Variants in PARM1 observed in about 807,000 individuals in gnomAD.
PARM1 encodes prostate androgen-regulated mucin-like protein 1.
A neutral mutation model predicts 24.6 loss-of-function variants in PARM1; 14 were observed. The ratio of observed to expected loss-of-function variants is 0.57; its 90% confidence interval spans 0.38 to 0.89. The LOEUF (loss-of-function observed/expected upper bound fraction) is 0.89. Among genes scored for constraint, PARM1 ranks in the 40% least tolerant of loss-of-function variants. The probability of loss-of-function intolerance (pLI) is 0.00; values close to 1 mark genes in which losing one functional copy is unlikely to be tolerated. For synonymous variants in PARM1, 179 were observed against 156.6 expected (o/e 1.14, Z -1.07); for missense variants, 362 against 380.4 (o/e 0.95, Z 0.40).
intron 1 of PARM1, among the ~76,000 whole-genome samples, chr4:74,943,291 T>G (rs1721349626): frequency 6.6e-6 from 1 of 152,208 alleles, no homozygotes; most frequent in Non-Finnish European, 1.5e-5. Flanking sequence ...TCCTCTTGTT[T>G]GCTGTGGTAT....
rs1185447109 is a variant in PARM1 at position 74,933,399 on chromosome 4, A to G, written c.43+29A>G. The G allele has an allele frequency of 3.7e-6, 6 of 1,608,176 alleles. No homozygotes were observed. In the South Asian group the frequency reaches 6.6e-5, roughly 18 times the overall value. ...ATTGGCGCCATCCTCCCGGAAGGGC[A>G]GGTCGCGGGGTGGGCCCCAGTAGCT... On this transcript the variant is annotated intron_variant, in intron 1 of 3. Transcript: ENST00000307428.
intron 2 of PARM1, among the ~76,000 whole-genome samples, chr4:75,024,928 C>T (rs1723155843): frequency 6.6e-6 from 1 of 152,224 alleles, no homozygotes; most frequent in Non-Finnish European, 1.5e-5. Context: ...CTCCTGACCT[C>T]AGGTGATCCA....
intron 1 of PARM1, among the ~76,000 whole-genome samples, chr4:74,941,800 A>G (rs1721315268): frequency 6.6e-6 from 1 of 152,150 alleles, no homozygotes; most frequent in East Asian, 1.9e-4. Context: ...AAGGAGGGCA[A>G]AGTGGTCTGG....
chr4:74,955,527 C>A (rs962983647), intron 1 of PARM1, among the ~76,000 whole-genome samples: 1 of 152,224 alleles, frequency 6.6e-6, no homozygotes, highest in South Asian at 2.1e-4. Context: ...AAGACCTGAA[C>A]TTTGTGCCCC....
At chr4:74,997,149 T>G (rs896473046) in intron 1 of PARM1, among the ~76,000 whole-genome samples, 1 of 152,130 alleles carries the variant, frequency 6.6e-6, no homozygotes, top group African/African-American at 2.4e-5. Flanking sequence ...TAGGGTGAGA[T>G]GGGAACCTGT....
chr4:75,012,676 G>T lies in PARM1; in HGVS notation c.295G>T (p.Gly99Cys), dbSNP rs144921999. Residue 99 changes from glycine to cysteine, a missense_variant, in exon 2 of 4, where the codon GGC (glycine) becomes TGC (cysteine). Coordinates refer to ENST00000307428, the MANE Select transcript of PARM1 (RefSeq NM_015393.4). Reference protein sequence around the residue: ...EITSPGSNWEGTNTDPSPSGF... With the variant: ...EITSPGSNWECTNTDPSPSGF... ...CACCAGCCCAGGTTCGAATTGGGAA[G>T]GCACAAACACAGACCCCTCACCTTC... The T allele has an allele frequency of 1.2e-6, 2 of 1,613,862 alleles. No homozygotes were observed. Among genetic ancestry groups the T allele is most frequent in the Admixed American group, 3.3e-5 (2 of 60,004 alleles).
Position 74,933,365 on chromosome 4 carries a change from C to T in PARM1, c.38C>T (p.Thr13Ile). 1 of 1,612,780 alleles carries T rather than the reference C, an allele frequency of 6.2e-7. No individual in the cohort carries two copies. The highest frequency in any genetic ancestry group is 8.5e-7 in the Non-Finnish European group (1 of 1,179,466). The change falls in exon 1 of 4, where the codon ACT (threonine) becomes ATT (isoleucine). Residue 13 changes from threonine to isoleucine, a missense_variant. Physicochemically the swap from Thr to Ile is moderately conservative, Grantham distance 89. Transcript: ENST00000307428. ...ACTCTCTTCGCTCTTTGCATCTTAACTGCAGGTAATTGGCGCCATCCTCCC... is the reference window on the plus strand; with the variant it reads ...ACTCTCTTCGCTCTTTGCATCTTAATTGCAGGTAATTGGCGCCATCCTCCC... ...YKTLFALCIL[T>I]AGWRVQSLPT...
At chr4:74,947,523 G>A (rs1342932113) in intron 1 of PARM1, among the ~76,000 whole-genome samples, 1 of 152,122 alleles carries the variant, frequency 6.6e-6, no homozygotes, top group African/African-American at 2.4e-5. Flanking sequence ...TAAGACGATG[G>A]TGAATTTTAA....
At position 75,001,924 on chromosome 4, in the gene PARM1, C is replaced by T. The variant is rs1348281692; in HGVS notation, c.44-10501C>T. Among the ~76,000 whole-genome samples, 4 of 152,296 alleles carry T rather than the reference C, an allele frequency of 2.6e-5. No individual in the cohort carries two copies. In the South Asian group the frequency reaches 8.3e-4, roughly 32 times the overall value. ...TCAGCAATGAACTCTGGCAGTGAAG[C>T]CAACATGAATACAAAGCCTGGTTGC... On this transcript the variant is annotated intron_variant, in intron 1 of 3. Transcript: ENST00000307428.
chr4:75,024,807 TC>T (rs1315995427), intron 2 of PARM1, among the ~76,000 whole-genome samples: 2 of 152,190 alleles, frequency 1.3e-5, no homozygotes, highest in African/African-American at 4.8e-5. Flanking sequence ...CAAGCGATTC[TC>T]CTGCCTCAGC....
intron 1 of PARM1, among the ~76,000 whole-genome samples, chr4:75,009,881 A>G (rs1287739420): frequency 1.3e-5 from 2 of 152,220 alleles, no homozygotes; most frequent in African/African-American, 4.8e-5. Flanking sequence ...GAATAAATAA[A>G]TATGTAATTT....
At chr4:75,012,039 G>A (rs11945130) in intron 1 of PARM1, among the ~76,000 whole-genome samples, 2 of 152,070 alleles carry the variant, frequency 1.3e-5, no homozygotes, top group Admixed American at 6.5e-5. Context: ...CACTCCCATC[G>A]TTCCTACAGG....
At chr4:74,980,021 G>C (rs1392168262) in intron 1 of PARM1, among the ~76,000 whole-genome samples, 5 of 152,060 alleles carry the variant, frequency 3.3e-5, no homozygotes, top group Non-Finnish European at 7.4e-5. Context: ...ATACTAAATG[G>C]GTAAAAGCTG....
At chr4:74,950,601 G>T (rs998527024) in intron 1 of PARM1, among the ~76,000 whole-genome samples, 1 of 152,096 alleles carries the variant, frequency 6.6e-6, no homozygotes, top group African/African-American at 2.4e-5. Context: ...TGGGGAACAT[G>T]GTTCAACTTA....
chr4:74,938,311 T>G (rs1721234450), intron 1 of PARM1, among the ~76,000 whole-genome samples: 1 of 152,216 alleles, frequency 6.6e-6, no homozygotes, highest in African/African-American at 2.4e-5. Context: ...TTAAGTGTTT[T>G]CAAAATGAAT....
chr4:74,982,589 T>C (rs1001596504), intron 1 of PARM1, among the ~76,000 whole-genome samples: 3 of 152,226 alleles, frequency 2.0e-5, no homozygotes, highest in Non-Finnish European at 4.4e-5. Flanking sequence ...ACCACTGTTC[T>C]TGAGTATATC....
At chr4:74,938,044 C>T (rs1393723505) in intron 1 of PARM1, among the ~76,000 whole-genome samples, 2 of 152,150 alleles carry the variant, frequency 1.3e-5, no homozygotes, top group East Asian at 3.8e-4. Flanking sequence ...CCCAGAGCTA[C>T]AAACTTGAGA....
At chr4:74,935,712 C>T (rs1033110742) in intron 1 of PARM1, among the ~76,000 whole-genome samples, 18 of 152,108 alleles carry the variant, frequency 1.2e-4, no homozygotes, top group Admixed American at 5.2e-4. Flanking sequence ...TTTTTTGGCT[C>T]AACAAATCCT....
chr4:74,933,301 G>A lies in PARM1; in HGVS notation c.-27G>A. The A allele has an allele frequency of 1.2e-6, 2 of 1,606,230 alleles. No homozygotes were observed. Among genetic ancestry groups the A allele is most frequent in the African/African-American group, 2.7e-5 (2 of 74,604 alleles). On this transcript the variant is annotated 5_prime_UTR_variant, in exon 1 of 4. Coordinates refer to ENST00000307428, the MANE Select transcript of PARM1 (RefSeq NM_015393.4). ...CCGCAAACTCCTTGCCGCCCGCCCCGGGCTGGGCACCAAATACCAGGCTAC... is the reference window on the plus strand; with the variant it reads ...CCGCAAACTCCTTGCCGCCCGCCCCAGGCTGGGCACCAAATACCAGGCTAC...
Sources: allele counts gnomAD v4.1 joint callset (sites outside exome capture counted in the v4.1 genomes callset), GRCh38; gene constraint gnomAD v4.1.1; transcripts MANE v1.5; gene names NCBI Gene and HGNC (gene_info 2026-07-23, HGNC 2026-07-21).